The following SGCZ variants were observed in gnomAD, a reference collection of about 807,000 sequenced individuals.
SGCZ encodes the protein zeta-sarcoglycan.
A neutral mutation model predicts 41.3 loss-of-function variants in SGCZ; 40 were observed. That is an observed-to-expected ratio of 0.97 (90% CI 0.75 to 1.26). SGCZ has a LOEUF of 1.26. Among genes scored for constraint, SGCZ ranks in the 50% most tolerant of loss-of-function variants. SGCZ has a pLI of 0.00. For synonymous variants in SGCZ, 206 were observed against 137.5 expected, an observed-to-expected ratio of 1.50 and a Z score of -3.49; for missense variants, 552 against 369.8, an observed-to-expected ratio of 1.49 and a Z score of -4.04.
At chr8:14,420,233 T>G (rs1799602691) in intron 2 of SGCZ, among the ~76,000 whole-genome samples, 3 of 152,196 alleles carry the variant, frequency 2.0e-5, no homozygotes, top group Middle Eastern at 3.4e-3. Flanking sequence ...TTTGTTTGTT[T>G]TAATGATTCT....
chr8:14,179,390 G>A (rs1804649803), intron 4 of SGCZ, among the ~76,000 whole-genome samples: 1 of 152,160 alleles, frequency 6.6e-6, no homozygotes, highest in Non-Finnish European at 1.5e-5. Flanking sequence ...CCCTTTAGCA[G>A]AAGATTCACA....
chr8:15,132,435 C>T (rs1287807415), intron 1 of SGCZ, among the ~76,000 whole-genome samples: 1 of 152,088 alleles, frequency 6.6e-6, no homozygotes, highest in Non-Finnish European at 1.5e-5. Context: ...CATCACATGC[C>T]TCATGGAGAT....
chr8:14,272,663 G>A (rs1800101819), intron 3 of SGCZ, among the ~76,000 whole-genome samples: 1 of 152,090 alleles, frequency 6.6e-6, no homozygotes, highest in Non-Finnish European at 1.5e-5. Flanking sequence ...AATAAATTAT[G>A]TTCATCATAA....
At chr8:14,618,655 G>C (rs1806185068) in intron 1 of SGCZ, among the ~76,000 whole-genome samples, 1 of 152,174 alleles carries the variant, frequency 6.6e-6, no homozygotes, top group Admixed American at 6.5e-5. Flanking sequence ...TAAAGAGCGG[G>C]ATAACTCTTT....
At chr8:14,390,274 T>C (rs1362474298) in intron 2 of SGCZ, among the ~76,000 whole-genome samples, 2 of 151,906 alleles carry the variant, frequency 1.3e-5, no homozygotes, top group African/African-American at 4.8e-5. Flanking sequence ...ATGTTCTCAT[T>C]AAAATTTGTT....
intron 1 of SGCZ, among the ~76,000 whole-genome samples, chr8:15,134,627 G>A (rs962007804): frequency 6.6e-6 from 1 of 152,034 alleles, no homozygotes; most frequent in South Asian, 2.1e-4. Context: ...GCATAATTGT[G>A]CAAGATTTAA....
chr8:14,341,332 T>A (rs545427063), intron 2 of SGCZ, among the ~76,000 whole-genome samples: 1 of 152,326 alleles, frequency 6.6e-6, no homozygotes, highest in East Asian at 1.9e-4. Context: ...CATTCAATAT[T>A]TTGCGTAATT....
intron 1 of SGCZ, among the ~76,000 whole-genome samples, chr8:14,792,554 CTTTT>C (rs952211686): frequency 6.6e-6 from 1 of 151,844 alleles, no homozygotes; most frequent in Non-Finnish European, 1.5e-5. Context: ...TAGCATCTTT[CTTTT>C]TTTATTTTAT....
intron 1 of SGCZ, among the ~76,000 whole-genome samples, chr8:14,845,934 T>G (rs778789524): frequency 5.9e-5 from 9 of 152,248 alleles, no homozygotes; most frequent in Middle Eastern, 3.4e-3. Context: ...AGAAGACTAT[T>G]AGCGGGGATA....
intron 3 of SGCZ, among the ~76,000 whole-genome samples, chr8:14,312,341 G>A (rs990641825): frequency 1.3e-5 from 2 of 151,106 alleles, no homozygotes; most frequent in Non-Finnish European, 3.0e-5. Context: ...TAATTTTTTA[G>A]TAAATCTTTC....
At chr8:14,585,672 T>C in intron 1 of SGCZ, among the ~76,000 whole-genome samples, 1 of 152,124 alleles carries the variant, frequency 6.6e-6, no homozygotes, top group Non-Finnish European at 1.5e-5. Flanking sequence ...TTAATTACAA[T>C]TGAAATTAAT....
At chr8:15,214,499 T>A (rs1358106910) in intron 1 of SGCZ, among the ~76,000 whole-genome samples, 1 of 152,172 alleles carries the variant, frequency 6.6e-6, no homozygotes, top group African/African-American at 2.4e-5. Flanking sequence ...AAATCACTTA[T>A]ATAATATCTA....
At chr8:14,531,772 C>T (rs576032552) in intron 2 of SGCZ, among the ~76,000 whole-genome samples, 3 of 151,940 alleles carry the variant, frequency 2.0e-5, no homozygotes, top group Non-Finnish European at 4.4e-5. Context: ...AACCATATCC[C>T]AAACTTCTAA....
At chr8:14,823,055 T>TAAAAAA (rs34307530) in intron 1 of SGCZ, among the ~76,000 whole-genome samples, 5 of 75,478 alleles carry the variant, frequency 6.6e-5, no homozygotes, top group South Asian at 5.8e-4. Context: ...CCAATCCTCA[T>TAAAAAA]AAAAAAAAAA....
chr8:14,984,476 T>C (rs868869049), intron 1 of SGCZ, among the ~76,000 whole-genome samples: 15 of 152,108 alleles, frequency 9.9e-5, no homozygotes, highest in South Asian at 4.1e-4. Context: ...TCTATAGATT[T>C]TTTTTCCTCT....
chr8:15,016,070 G>A (rs145894124), intron 1 of SGCZ, among the ~76,000 whole-genome samples: 2 of 152,100 alleles, frequency 1.3e-5, no homozygotes, highest in Admixed American at 6.5e-5. Flanking sequence ...ATTATATCCT[G>A]CTGATTAGCC....
chr8:14,421,967 T>C (rs1329804908), intron 2 of SGCZ, among the ~76,000 whole-genome samples: 2 of 152,126 alleles, frequency 1.3e-5, no homozygotes, highest in Admixed American at 1.3e-4. Context: ...TAGTCATGCT[T>C]TAATAGAGCA....
chr8:14,840,001 TG>T (rs1000193647), intron 1 of SGCZ, among the ~76,000 whole-genome samples: 25 of 151,976 alleles, frequency 1.6e-4, no homozygotes, highest in African/African-American at 4.6e-4. Flanking sequence ...TTTGTGCCTT[TG>T]TTTTTACACC....
At chr8:15,110,777 T>C (rs2131098956) in intron 1 of SGCZ, among the ~76,000 whole-genome samples, 1 of 152,260 alleles carries the variant, frequency 6.6e-6, no homozygotes, top group East Asian at 1.9e-4. Flanking sequence ...GAGACCAGCC[T>C]GACCAACATG....
Sources: gnomAD v4.1 joint callset for allele counts (sites outside exome capture counted in the v4.1 genomes callset) on GRCh38, gnomAD v4.1.1 for gene constraint, MANE v1.5 for transcripts, NCBI Gene and HGNC (gene_info 2026-07-23, HGNC 2026-07-21) for gene names.